The following ZFAT variants were observed in gnomAD, a reference collection of about 807,000 sequenced individuals.
ZFAT encodes zinc finger and AT-hook domain containing.
In ZFAT, 64 loss-of-function variants were observed where a neutral mutation model predicts 117.7. The observed-to-expected ratio is 0.54, with a 90% CI of 0.44 to 0.67. ZFAT has a LOEUF of 0.67. Ranked by LOEUF, ZFAT falls within the 30% of genes least tolerant of loss-of-function variation. ZFAT has a pLI of 0.00. For synonymous variants in ZFAT, 679 were observed against 615.0 expected (o/e 1.10, Z -1.54); for missense variants, 1,433 against 1,584.5 (o/e 0.90, Z 1.62).
intron 1 of ZFAT, among the ~76,000 whole-genome samples, chr8:134,691,865 C>T (rs1044924740): frequency 6.6e-6 from 1 of 152,194 alleles, no homozygotes; most frequent in Non-Finnish European, 1.5e-5. Flanking sequence ...TATTTACCTG[C>T]ATTTCCTTTA....
the ZFAT span, chr8:134,765,006 A>C: frequency 1.1e-4 from 17 of 152,236 alleles, no homozygotes; most frequent in Non-Finnish European, 2.4e-4. Flanking sequence ...TTGGGTATGC[A>C]TCATGGATAA....
At chr8:134,831,087 G>C in the ZFAT span, among the ~76,000 whole-genome samples, 7 of 152,348 alleles carry the variant, frequency 4.6e-5, 1 homozygote, top group Middle Eastern at 0.017. Context: ...ACTCCACTTT[G>C]ATGGTATCCA....
intron 1 of ZFAT, among the ~76,000 whole-genome samples, chr8:134,661,772 G>A (rs766682963): frequency 6.6e-6 from 1 of 152,204 alleles, no homozygotes; most frequent in Non-Finnish European, 1.5e-5. Context: ...GGAGGCAGAT[G>A]TGCCCCCAAG....
chr8:134,706,647 G>A lies in ZFAT; in HGVS notation c.19+6198C>T, dbSNP rs1216913715. On this transcript the variant is annotated intron_variant, in intron 1 of 15. Coordinates refer to ENST00000377838, the MANE Select transcript of ZFAT (RefSeq NM_020863.4). The stretch of plus-strand genomic sequence containing the variant: ...GAGGAGGTTGCAGTGAGCCGAGATC[G>A]TGCCATTGCCCTCCATCCTGGGCAA... 1.3e-4 allele frequency among the ~76,000 whole-genome samples: 20 copies of A among 152,132 alleles called. No homozygotes were observed. In the South Asian group the frequency reaches 2.7e-3, roughly 20 times the overall value.
chr8:134,791,239 G>A, the ZFAT span, among the ~76,000 whole-genome samples: 1 of 152,116 alleles, frequency 6.6e-6, no homozygotes, highest in African/African-American at 2.4e-5. Context: ...CTAAAGTCTT[G>A]GGTTCAGACA....
rs544924054 is a variant in ZFAT at position 134,652,343 on chromosome 8, C to G, written c.196+5218G>C. 2.6e-5 allele frequency among the ~76,000 whole-genome samples: 4 copies of G among 152,178 alleles called. No homozygotes were observed. In the South Asian group the frequency reaches 8.3e-4, roughly 32 times the overall value. On this transcript the variant is annotated intron_variant, in intron 2 of 15. Coordinates refer to ENST00000377838, the MANE Select transcript of ZFAT (RefSeq NM_020863.4). ...CCAGGAGAGTTCATGATGAGCAGCT[C>G]CATTCAGATTTCTTTACAAAGAAAT... is the stretch of plus-strand genomic sequence containing the variant.
At chr8:134,650,628 T>C (rs1831180232) in intron 2 of ZFAT, among the ~76,000 whole-genome samples, 1 of 152,168 alleles carries the variant, frequency 6.6e-6, no homozygotes. Flanking sequence ...AGAACAAAGT[T>C]GGAAGATTCA....
chr8:134,728,302 G>T, the ZFAT span, among the ~76,000 whole-genome samples: 1 of 151,730 alleles, frequency 6.6e-6, no homozygotes, highest in South Asian at 2.1e-4. Context: ...GCATGTACAG[G>T]GAAGGCAGAC....
chr8:134,754,605 G>A, the ZFAT span, among the ~76,000 whole-genome samples: 1 of 152,234 alleles, frequency 6.6e-6, no homozygotes, highest in Admixed American at 6.5e-5. Flanking sequence ...AGTCTTGCCT[G>A]CCGTCAATTT....
chr8:134,533,060 C>T, intron 11 of ZFAT, 88 bp from the exon 12 acceptor site: 2 of 1,514,134 alleles, frequency 1.3e-6, no homozygotes, highest in Non-Finnish European at 1.8e-6. Context: ...ATCTGACACC[C>T]TGAAAGCCTG....
At chr8:134,784,722 T>C in the ZFAT span, 66 of 152,310 alleles carry the variant, frequency 4.3e-4, 1 homozygote, top group African/African-American at 1.5e-3. Flanking sequence ...TGTGTGAATA[T>C]TGACGTTATG....
At chr8:134,511,468 C>G (rs530983134) in intron 14 of ZFAT, among the ~76,000 whole-genome samples, 2 of 152,340 alleles carry the variant, frequency 1.3e-5, no homozygotes, top group South Asian at 4.1e-4. Flanking sequence ...AGGCAGTGAA[C>G]ACAGCCCTGT....
At chr8:134,827,530 G>A in the ZFAT span, among the ~76,000 whole-genome samples, 1 of 151,966 alleles carries the variant, frequency 6.6e-6, no homozygotes, top group Non-Finnish European at 1.5e-5. Flanking sequence ...CACTTTGGGG[G>A]GCCCAGGAGG....
At chr8:134,568,524 A>G (rs1054784361) in intron 10 of ZFAT, among the ~76,000 whole-genome samples, 7 of 152,242 alleles carry the variant, frequency 4.6e-5, no homozygotes, top group African/African-American at 1.7e-4. Context: ...AAGTTGATAA[A>G]TATTCTGTCA....
intron 2 of ZFAT, among the ~76,000 whole-genome samples, chr8:134,653,432 T>G (rs1406094102): frequency 7.2e-6 from 1 of 139,706 alleles, no homozygotes; most frequent in African/African-American, 2.6e-5. Context: ...TTTTTTTTTT[T>G]TTTTTTTTTT....
chr8:134,693,756 G>A (rs1485611227), intron 1 of ZFAT, among the ~76,000 whole-genome samples: 1 of 152,184 alleles, frequency 6.6e-6, no homozygotes, highest in Admixed American at 6.5e-5. Flanking sequence ...ACTACTGAAT[G>A]AAGAAAGTCC....
At chr8:134,759,988 AAAC>A in the ZFAT span, among the ~76,000 whole-genome samples, 1 of 148,318 alleles carries the variant, frequency 6.7e-6, no homozygotes, top group African/African-American at 2.5e-5. Flanking sequence ...AAAAAAAAAA[AAAC>A]AAACAGAGGC....
At chr8:134,812,773 C>G in the ZFAT span, among the ~76,000 whole-genome samples, 1 of 152,140 alleles carries the variant, frequency 6.6e-6, no homozygotes, top group Non-Finnish European at 1.5e-5. Flanking sequence ...AGATATGCAG[C>G]AACAAACAGT....
intron 14 of ZFAT, 53 bp from the exon 15 acceptor site, chr8:134,509,802 C>T: frequency 3.9e-6 from 6 of 1,535,344 alleles, no homozygotes; most frequent in Non-Finnish European, 5.2e-6. Context: ...TGCTGAAGGA[C>T]ATGGAATGCA....
Sources: allele counts gnomAD v4.1 joint callset (sites outside exome capture counted in the v4.1 genomes callset), GRCh38; gene constraint gnomAD v4.1.1; transcripts MANE v1.5; gene names NCBI Gene and HGNC (gene_info 2026-07-23, HGNC 2026-07-21).